MACO1: variants seen among roughly 807,000 people sequenced by gnomAD.
MACO1 encodes the protein macoilin.
A neutral mutation model predicts 78.7 loss-of-function variants in MACO1; 14 were observed. The observed-to-expected ratio is 0.18, with a 90% CI of 0.12 to 0.28. The LOEUF is 0.28. Ranked by LOEUF, MACO1 falls within the 10% of genes least tolerant of loss-of-function variation. MACO1 has a pLI of 1.00. For missense variants in MACO1, 501 were observed against 799.0 expected, an observed-to-expected ratio of 0.63 and a Z score of 4.50; for synonymous variants, 288 against 291.6, an observed-to-expected ratio of 0.99 and a Z score of 0.12.
chr1:25,452,057 T>C (rs1215626121), intron 3 of MACO1, among the ~76,000 whole-genome samples: 1 of 151,872 alleles, frequency 6.6e-6, no homozygotes, highest in Non-Finnish European at 1.5e-5. Context: ...ACAACTTCAC[T>C]CAGGTACTAG....
At chr1:25,451,059 C>G (rs1186004800) in intron 3 of MACO1, among the ~76,000 whole-genome samples, 1 of 140,852 alleles carries the variant, frequency 7.1e-6, no homozygotes, top group Non-Finnish European at 1.5e-5. Flanking sequence ...TAGCTAATGT[C>G]ATAAAATGCT....
intron 1 of MACO1, among the ~76,000 whole-genome samples, chr1:25,437,714 G>A (rs1440610138): frequency 6.6e-6 from 1 of 152,148 alleles, no homozygotes; most frequent in Non-Finnish European, 1.5e-5. Flanking sequence ...GAGTCCAGGA[G>A]TTCAAGACTA....
At chr1:25,444,134 C>G (rs956793126) in intron 1 of MACO1, among the ~76,000 whole-genome samples, 1 of 150,564 alleles carries the variant, frequency 6.6e-6, no homozygotes, top group Non-Finnish European at 1.5e-5. Flanking sequence ...TGGTGTGCAC[C>G]TGTAGTCTCA....
intron 10 of MACO1, among the ~76,000 whole-genome samples, chr1:25,497,462 A>C (rs1055506468): frequency 1.3e-5 from 2 of 152,136 alleles, no homozygotes; most frequent in East Asian, 3.8e-4. Flanking sequence ...GAGGAAGTAG[A>C]AACAGAATCC....
At chr1:25,491,654 TC>T (rs2043486982) in intron 10 of MACO1, 70 bp downstream of exon 10, 2 of 1,367,760 alleles carry the variant, frequency 1.5e-6, no homozygotes, top group African/African-American at 1.4e-5. Flanking sequence ...GCCAGACCTC[TC>T]CTGAGAGCTC....
intron 1 of MACO1, among the ~76,000 whole-genome samples, chr1:25,432,237 G>A (rs940996306): frequency 1.3e-5 from 2 of 152,204 alleles, no homozygotes; most frequent in African/African-American, 4.8e-5. Flanking sequence ...ATGTGAGGTA[G>A]CTGATGACAC....
At chr1:25,456,919 G>A (rs969233037) in intron 5 of MACO1, 88 bp downstream of exon 5, 2 of 1,420,240 alleles carry the variant, frequency 1.4e-6, no homozygotes, top group Non-Finnish European at 1.9e-6. Flanking sequence ...AAAGTAGCTA[G>A]GATTTTGTTT....
chr1:25,452,241 C>CA (rs1266821598), intron 3 of MACO1, among the ~76,000 whole-genome samples: 1 of 152,146 alleles, frequency 6.6e-6, no homozygotes, highest in African/African-American at 2.4e-5. Context: ...AGATCCTTAG[C>CA]AAAAAGCCTT....
At position 25,456,701 on chromosome 1, in the gene MACO1, A is replaced by G. The variant is rs748598216; in HGVS notation, c.522A>G (p.Val174=). Residue 174 remains valine, a synonymous_variant, in exon 5 of 11, where the codon GTA becomes GTG. Transcript: ENST00000374343. ...VTLGFGFKSY[V]SYKMRLRKQK... ...TGGGGTTTGGCTTCAAAAGTTACGT[A>G]AGCTACAAAATGCGGTTAAGGAAGC... The G allele has an allele frequency of 4.3e-6, 7 of 1,614,058 alleles. No individual in the cohort carries two copies. In the South Asian group the frequency reaches 7.7e-5, roughly 18 times the overall value.
At chr1:25,488,208 T>C (rs1019064121) in intron 8 of MACO1, among the ~76,000 whole-genome samples, 3 of 152,102 alleles carry the variant, frequency 2.0e-5, no homozygotes, top group Non-Finnish European at 4.4e-5. Flanking sequence ...TGTGCTACTA[T>C]GCCCAGCTAT....
intron 6 of MACO1, among the ~76,000 whole-genome samples, chr1:25,474,918 C>T (rs61775184): frequency 0.39 from 59,798 of 152,044 alleles, 13,702 homozygotes; most frequent in East Asian, 0.73. Flanking sequence ...CAGTGTTGTA[C>T]GTAACCAAGA....
chr1:25,448,493 G>T (rs999377494), intron 2 of MACO1, among the ~76,000 whole-genome samples: 1 of 152,068 alleles, frequency 6.6e-6, no homozygotes, highest in African/African-American at 2.4e-5. Context: ...AAAAATTCTA[G>T]TTCTTTCAGG....
At chr1:25,433,837 A>G (rs1466349472) in intron 1 of MACO1, among the ~76,000 whole-genome samples, 1 of 152,232 alleles carries the variant, frequency 6.6e-6, no homozygotes, top group Non-Finnish European at 1.5e-5. Flanking sequence ...TAGTTTACAG[A>G]TACTATTTAC....
intron 2 of MACO1, among the ~76,000 whole-genome samples, chr1:25,447,840 C>T (rs1406413567): frequency 6.6e-6 from 1 of 152,132 alleles, no homozygotes; most frequent in Admixed American, 6.5e-5. Context: ...GGCTTGTTCC[C>T]TTGATTAATG....
chr1:25,434,968 C>G (rs1417958504), intron 1 of MACO1, among the ~76,000 whole-genome samples: 5 of 152,098 alleles, frequency 3.3e-5, no homozygotes, highest in Admixed American at 1.3e-4. Context: ...CTTTCCACTC[C>G]CTTCCCTCAG....
At chr1:25,431,927 T>C (rs1325604494) in intron 1 of MACO1, among the ~76,000 whole-genome samples, 48 of 133,096 alleles carry the variant, frequency 3.6e-4, no homozygotes, top group African/African-American at 1.1e-3. Flanking sequence ...TTTTTTTTTT[T>C]TCATCCGCAA....
chr1:25,451,178 T>A (rs140128713), intron 3 of MACO1, among the ~76,000 whole-genome samples: 1 of 152,366 alleles, frequency 6.6e-6, no homozygotes, highest in Non-Finnish European at 1.5e-5. Context: ...AACAAAAAAC[T>A]ACTCTTATTG....
At chr1:25,437,349 G>T (rs1199980983) in intron 1 of MACO1, among the ~76,000 whole-genome samples, 2 of 141,730 alleles carry the variant, frequency 1.4e-5, no homozygotes, top group Non-Finnish European at 3.0e-5. Context: ...TAAAGATGGA[G>T]TCTCGCCGTG....
Position 25,485,799 on chromosome 1 carries a change from T to A in MACO1, c.1496+4T>A. 6.2e-7 allele frequency: 1 copy of A among 1,605,294 alleles called. No homozygotes were observed. The highest frequency in any genetic ancestry group is 8.5e-7 in the Non-Finnish European group (1 of 1,176,464). ...TTGCGTTTGCTGCTGCATCTAGGTA[T>A]GTCCATGTCACCTGAGTGTTTAATC... is the stretch of plus-strand genomic sequence containing the variant. On this transcript the variant is annotated splice_donor_region_variant and intron_variant, in intron 8 of 10. Coordinates refer to ENST00000374343, the MANE Select transcript of MACO1 (RefSeq NM_018202.6). The surrounding 1 kb of genome is among the most constrained non-coding windows in gnomAD (Gnocchi z 4.3).
Sources: allele counts gnomAD v4.1 joint callset (sites outside exome capture counted in the v4.1 genomes callset), GRCh38; gene constraint gnomAD v4.1.1; non-coding constraint Gnocchi (gnomAD v3.1); transcripts MANE v1.5; gene names NCBI Gene and HGNC (gene_info 2026-07-23, HGNC 2026-07-21).